CDH13: variants seen among roughly 807,000 people sequenced by gnomAD.
CDH13 encodes the protein cadherin-13.
Under a neutral mutation model 63.8 loss-of-function variants are expected in CDH13, and 24 were observed. The ratio of observed to expected loss-of-function variants is 0.38; its 90% CI spans 0.27 to 0.53. The LOEUF (loss-of-function observed/expected upper bound fraction) is 0.53. Ranked by LOEUF, CDH13 falls within the 20% of genes least tolerant of loss-of-function variation. CDH13 has a pLI of 0.85. For synonymous variants in CDH13, 503 were observed against 355.3 expected (o/e 1.42, Z -4.67); for missense variants, 1,049 against 903.1 (o/e 1.16, Z -2.07).
At chr16:82,807,110 A>G (rs906053516) in intron 1 of CDH13, among the ~76,000 whole-genome samples, 5 of 151,000 alleles carry the variant, frequency 3.3e-5, no homozygotes, top group Non-Finnish European at 7.4e-5. Flanking sequence ...TTTTCTTAAG[A>G]AAAAACTTAA....
Position 83,702,012 on chromosome 16 carries a change from A to G in CDH13, c.1538+23551A>G, listed in dbSNP as rs559375356. Among the ~76,000 whole-genome samples the G allele has an allele frequency of 2.0e-5, 3 of 152,338 alleles. No individual in the cohort carries two copies. In the East Asian group the frequency reaches 5.8e-4, roughly 29 times the overall value. On this transcript the variant is annotated intron_variant, in intron 10 of 13. Transcript: ENST00000567109. ...GGAGATAATACCTAGAGGATTAAATAGGCTAATCTAGCAAAGCTCTTAGCA... is the reference window on the plus strand; with the variant it reads ...GGAGATAATACCTAGAGGATTAAATGGGCTAATCTAGCAAAGCTCTTAGCA...
intron 10 of CDH13, among the ~76,000 whole-genome samples, chr16:83,692,069 G>GAAATGTGAC (rs1904954672): frequency 6.6e-6 from 1 of 152,206 alleles, no homozygotes; most frequent in Admixed American, 6.5e-5. Flanking sequence ...GACAGCCGTC[G>GAAATGTGAC]TCACCTCTCT....
intron 2 of CDH13, among the ~76,000 whole-genome samples, chr16:82,984,943 C>T (rs1361409114): frequency 6.6e-6 from 1 of 152,154 alleles, no homozygotes; most frequent in Non-Finnish European, 1.5e-5. Context: ...TGCAATATTC[C>T]TACTTAGCTG....
intron 10 of CDH13, among the ~76,000 whole-genome samples, chr16:83,680,187 TCA>T (rs2150873535): frequency 6.6e-6 from 1 of 152,324 alleles, no homozygotes; most frequent in South Asian, 2.1e-4. Context: ...GTTCAGGATC[TCA>T]CAGTGAGAAT....
At chr16:83,014,339 A>G (rs950377079) in intron 2 of CDH13, among the ~76,000 whole-genome samples, 1 of 151,578 alleles carries the variant, frequency 6.6e-6, no homozygotes, top group Admixed American at 6.6e-5. Context: ...AAAAAAAAAA[A>G]AAAACTTAGC....
chr16:83,486,613 A>G lies in CDH13; in HGVS notation c.918A>G (p.Gly306=). The change falls in exon 7 of 14, where the codon GGA becomes GGG. Residue 306 remains glycine (G), a synonymous_variant. Coordinates refer to ENST00000567109, the MANE Select transcript of CDH13 (RefSeq NM_001257.5). ...TGTTCTACATCGATCCTGAGAAAGG[A>G]GACATTGTCACTGTTGTGTCACCTG... The part of the protein sequence containing the change: ...PNMFYIDPEK[G]DIVTVVSPAL... 8 of 1,613,950 alleles carry G rather than the reference A, an allele frequency of 5.0e-6. No individual in the cohort carries two copies. The highest frequency in any genetic ancestry group is 6.8e-6 in the Non-Finnish European group (8 of 1,179,830).
At chr16:83,556,317 A>T (rs956162227) in intron 7 of CDH13, among the ~76,000 whole-genome samples, 7 of 152,212 alleles carry the variant, frequency 4.6e-5, no homozygotes, top group African/African-American at 1.7e-4. Flanking sequence ...GATTCTGCAA[A>T]GATAGTATGA....
chr16:83,292,083 G>A (rs920790512), intron 5 of CDH13, among the ~76,000 whole-genome samples: 3 of 152,142 alleles, frequency 2.0e-5, no homozygotes, highest in Non-Finnish European at 4.4e-5. Flanking sequence ...AGTTCAGAAA[G>A]CACTAATTTA....
At chr16:83,779,405 TCAA>T (rs1268170893) in intron 11 of CDH13, among the ~76,000 whole-genome samples, 1,919 of 67,550 alleles carry the variant, frequency 0.028, 343 homozygotes, top group African/African-American at 0.1. Flanking sequence ...AGACTCCATC[TCAA>T]AAAAAAAAAA....
intron 2 of CDH13, among the ~76,000 whole-genome samples, chr16:82,922,644 C>T (rs749307334): frequency 1.3e-5 from 2 of 152,158 alleles, no homozygotes; most frequent in Non-Finnish European, 2.9e-5. Context: ...GAGAGAAAAG[C>T]TCACAGAGAA....
intron 7 of CDH13, among the ~76,000 whole-genome samples, chr16:83,561,727 G>A (rs753302140): frequency 2.6e-5 from 4 of 152,168 alleles, no homozygotes; most frequent in Non-Finnish European, 5.9e-5. Flanking sequence ...TAATGTACCT[G>A]AATTTCTTAT....
chr16:82,792,574 C>T (rs914632192), intron 1 of CDH13, among the ~76,000 whole-genome samples: 1 of 152,074 alleles, frequency 6.6e-6, no homozygotes, highest in Non-Finnish European at 1.5e-5. Context: ...GACTATAAGG[C>T]CCCCTAGATA....
chr16:83,451,274 G>C (rs963271046), intron 6 of CDH13, among the ~76,000 whole-genome samples: 1 of 152,210 alleles, frequency 6.6e-6, no homozygotes, highest in Non-Finnish European at 1.5e-5. Flanking sequence ...AGGCGAAGGA[G>C]GAGCAAAGTT....
At chr16:83,620,247 C>T (rs557108716) in intron 8 of CDH13, among the ~76,000 whole-genome samples, 31 of 152,028 alleles carry the variant, frequency 2.0e-4, no homozygotes, top group East Asian at 3.9e-4. Flanking sequence ...AAAAATTAGC[C>T]GGGCGTGGTG....
chr16:82,980,597 C>A (rs1270815608), intron 2 of CDH13, among the ~76,000 whole-genome samples: 1 of 152,190 alleles, frequency 6.6e-6, no homozygotes, highest in South Asian at 2.1e-4. Context: ...ACATCTCTTT[C>A]AATCCTCCCA....
At chr16:83,731,068 T>C (rs904164150) in intron 10 of CDH13, among the ~76,000 whole-genome samples, 1 of 152,254 alleles carries the variant, frequency 6.6e-6, no homozygotes, top group African/African-American at 2.4e-5. Flanking sequence ...CCACCATTGA[T>C]GAGCACCTGG....
At chr16:83,106,003 C>G (rs1486674489) in intron 3 of CDH13, among the ~76,000 whole-genome samples, 4 of 152,184 alleles carry the variant, frequency 2.6e-5, no homozygotes, top group African/African-American at 9.6e-5. Flanking sequence ...TGTGTTGGAA[C>G]AATGTCCGCC....
intron 6 of CDH13, among the ~76,000 whole-genome samples, chr16:83,440,582 C>A (rs1416224472): frequency 6.6e-6 from 1 of 151,976 alleles, no homozygotes; most frequent in Non-Finnish European, 1.5e-5. Flanking sequence ...GTCAGGAGTT[C>A]GAGACCAGCC....
chr16:83,179,706 G>A (rs916279632), intron 4 of CDH13, among the ~76,000 whole-genome samples: 2 of 151,776 alleles, frequency 1.3e-5, no homozygotes, highest in Non-Finnish European at 2.9e-5. Context: ...TAACCTGCCT[G>A]AAGTCACAGA....
Sources: gnomAD v4.1 joint callset for allele counts (sites outside exome capture counted in the v4.1 genomes callset) on GRCh38, gnomAD v4.1.1 for gene constraint, MANE v1.5 for transcripts, NCBI Gene and HGNC (gene_info 2026-07-23, HGNC 2026-07-21) for gene names.